The following ALPK1 variants were observed in gnomAD, a reference collection of about 807,000 sequenced individuals.
The protein encoded by ALPK1 is alpha-protein kinase 1.
A neutral mutation model predicts 120.6 loss-of-function variants in ALPK1; 110 were observed. The observed-to-expected ratio is 0.91, with a 90% CI of 0.78 to 1.07. ALPK1 has a LOEUF of 1.07. Among genes scored for constraint, ALPK1 ranks in the 50% least tolerant of loss-of-function variants. ALPK1 has a pLI of 0.00. For synonymous variants in ALPK1, 582 were observed against 560.3 expected, an observed-to-expected ratio of 1.04 and a Z score of -0.55; for missense variants, 1,498 against 1,483.9, an observed-to-expected ratio of 1.01 and a Z score of -0.16.
Position 112,360,071 on chromosome 4 carries a change from A to T in ALPK1, c.-100-17607A>T, listed in dbSNP as rs561198255. ...TGTATCCTTTGACCAACTTCTCCCC[A>T]GGCCCTGACCCCATCCCTGCATCTT... On this transcript the variant is annotated intron_variant, in intron 2 of 15. Transcript: ENST00000650871. Among the ~76,000 whole-genome samples, 4 of 152,112 alleles carry T rather than the reference A, an allele frequency of 2.6e-5. No individual in the cohort carries two copies. The East Asian group carries it at 7.7e-4, about 29-fold the overall frequency.
chr4:112,362,461 G>T (rs1334479839), intron 2 of ALPK1, among the ~76,000 whole-genome samples: 1 of 152,060 alleles, frequency 6.6e-6, no homozygotes, highest in African/African-American at 2.4e-5. Context: ...CTCAGCAACA[G>T]AATTGAACTA....
chr4:112,346,436 G>C (rs1342784615), intron 2 of ALPK1, among the ~76,000 whole-genome samples: 1 of 152,218 alleles, frequency 6.6e-6, no homozygotes, highest in African/African-American at 2.4e-5. Context: ...CTTTTAGAAT[G>C]AGAATGTGTC....
At position 112,439,721 on chromosome 4, in the gene ALPK1, T is replaced by A; in HGVS notation, c.3387T>A (p.Ser1129Arg). 1 of 1,612,442 alleles carries A rather than the reference T, an allele frequency of 6.2e-7. No individual in the cohort carries two copies. Among genetic ancestry groups the A allele is most frequent in the Non-Finnish European group, 8.5e-7 (1 of 1,179,434 alleles). Residue 1129 changes from serine to arginine, a missense_variant, in exon 14 of 16, where the codon AGT becomes AGA. Ser to Arg is a moderately radical substitution (Grantham distance 110). Coordinates refer to ENST00000650871, the MANE Select transcript of ALPK1 (RefSeq NM_025144.4). The stretch of plus-strand genomic sequence containing the variant: ...ACAAGACAATAAAGGGATGTATCAG[T>A]GTGGAGCCTTACATACTGGGAGAAT... ...LEDKTIKGCI[S>R]VEPYILGEFV...
At position 112,411,883 on chromosome 4, in the gene ALPK1, GTTC is replaced by G. The variant is rs755619682; in HGVS notation, c.336_338del (p.Phe112del). Reference sequence around the variant, plus strand: ...ACTGTGCGGCTGCGGCGGCTATTGTGTTCTTGGTGGACCGGTTCCTGTATGGGC... The same window carrying G: ...ACTGTGCGGCTGCGGCGGCTATTGTGTTGGTGGACCGGTTCCTGTATGGGC... On this transcript the variant is annotated inframe_deletion, in exon 5 of 16. Coordinates refer to ENST00000650871, the MANE Select transcript of ALPK1 (RefSeq NM_025144.4). 56 of 1,614,022 alleles carry G rather than the reference GTTC, an allele frequency of 3.5e-5. No individual in the cohort carries two copies. Among genetic ancestry groups the G allele is most frequent in the Non-Finnish European group, 4.4e-5 (52 of 1,179,996 alleles).
intron 5 of ALPK1, chr4:112,414,787 A>T (rs1733662849): frequency 6.5e-6 from 1 of 154,674 alleles, no homozygotes; most frequent in Non-Finnish European, 1.4e-5. Flanking sequence ...AATATGGTGA[A>T]TTAAAGATTT....
chr4:112,358,655 G>T (rs915468151), intron 2 of ALPK1: 1 of 711,192 alleles, frequency 1.4e-6, no homozygotes, highest in Admixed American at 2.1e-5. Flanking sequence ...AGGCCCACAG[G>T]TGCTCCACCC....
At chr4:112,434,520 A>G (rs1937486911) in intron 11 of ALPK1, among the ~76,000 whole-genome samples, 1 of 152,242 alleles carries the variant, frequency 6.6e-6, no homozygotes, top group African/African-American at 2.4e-5. Context: ...GTTTCTCCTC[A>G]AAGAGATGCT....
intron 4 of ALPK1, among the ~76,000 whole-genome samples, chr4:112,411,370 G>C (rs1278153716): frequency 1.3e-5 from 2 of 152,040 alleles, no homozygotes; most frequent in African/African-American, 4.8e-5. Context: ...GACTACAGGC[G>C]CATGCCACCA....
At chr4:112,344,431 T>C (rs1260898668) in intron 2 of ALPK1, among the ~76,000 whole-genome samples, 1 of 152,184 alleles carries the variant, frequency 6.6e-6, no homozygotes, top group East Asian at 1.9e-4. Context: ...AGTTAAAGTA[T>C]GGAGTTTGAT....
chr4:112,363,714 TA>T (rs1291155422), intron 2 of ALPK1, among the ~76,000 whole-genome samples: 1 of 152,172 alleles, frequency 6.6e-6, no homozygotes, highest in Non-Finnish European at 1.5e-5. Flanking sequence ...CACAGATATT[TA>T]CAGAACATTG....
intron 4 of ALPK1, among the ~76,000 whole-genome samples, chr4:112,388,291 A>G (rs1026857592): frequency 2.0e-5 from 3 of 152,208 alleles, no homozygotes; most frequent in African/African-American, 7.2e-5. Context: ...ATTGCAGAAA[A>G]TGCTTTAAAA....
chr4:112,357,822 G>C, intron 2 of ALPK1: 2 of 1,031,258 alleles, frequency 1.9e-6, no homozygotes, highest in South Asian at 1.3e-5. Context: ...TCATGGAAAA[G>C]AGCCTGGAGT....
At chr4:112,377,472 G>A (rs1731716788) in intron 2 of ALPK1, among the ~76,000 whole-genome samples, 1 of 152,098 alleles carries the variant, frequency 6.6e-6, no homozygotes, top group African/African-American at 2.4e-5. Flanking sequence ...TCTGTACCAG[G>A]CCCCTCTCGC....
At chr4:112,413,032 A>T (rs1181633722) in intron 5 of ALPK1, among the ~76,000 whole-genome samples, 1 of 152,248 alleles carries the variant, frequency 6.6e-6, no homozygotes, top group Non-Finnish European at 1.5e-5. Context: ...TAAATTGTGC[A>T]GGTCTTGTTA....
rs748452791 is a variant in ALPK1 at position 112,429,155 on chromosome 4, C to T, written c.802C>T (p.Leu268=). 29 of 1,613,216 alleles carry T rather than the reference C, an allele frequency of 1.8e-5. No individual in the cohort carries two copies. The highest frequency in any genetic ancestry group is 1.3e-5 in the African/African-American group (1 of 74,938). ...KNNPQINLSL[L]KEFDHHLLSA... Reference sequence around the variant, plus strand: ...GCCTCCTGTTTTCTCACAGAGCCTGCTGAAGGAGTTTGACCACCATTTGCT... The same window carrying T: ...GCCTCCTGTTTTCTCACAGAGCCTGTTGAAGGAGTTTGACCACCATTTGCT... The change falls in exon 10 of 16, where the codon CTG becomes TTG. Residue 268 remains leucine (L), a synonymous_variant. Coordinates refer to ENST00000650871, the MANE Select transcript of ALPK1 (RefSeq NM_025144.4).
intron 2 of ALPK1, among the ~76,000 whole-genome samples, chr4:112,375,612 G>T (rs1560659700): frequency 6.6e-6 from 1 of 152,170 alleles, no homozygotes; most frequent in Non-Finnish European, 1.5e-5. Flanking sequence ...CTAGATGAGG[G>T]TTTGGCTTAA....
chr4:112,350,626 A>G (rs981650089), intron 2 of ALPK1, among the ~76,000 whole-genome samples: 4 of 152,202 alleles, frequency 2.6e-5, no homozygotes, highest in Non-Finnish European at 4.4e-5. Flanking sequence ...GACCTCTGGT[A>G]CCATTTAGTG....
intron 2 of ALPK1, among the ~76,000 whole-genome samples, chr4:112,353,220 C>T (rs529463589): frequency 6.6e-6 from 1 of 152,250 alleles, no homozygotes; most frequent in East Asian, 1.9e-4. Flanking sequence ...AAGTGATCTG[C>T]CTGCCTCAGC....
intron 2 of ALPK1, among the ~76,000 whole-genome samples, chr4:112,350,908 G>T (rs1422784947): frequency 1.3e-5 from 2 of 152,194 alleles, no homozygotes; most frequent in African/African-American, 4.8e-5. Context: ...GACATATGGG[G>T]TGAGTCTATG....
Sources: gnomAD v4.1 joint callset for allele counts (sites outside exome capture counted in the v4.1 genomes callset) on GRCh38, gnomAD v4.1.1 for gene constraint, MANE v1.5 for transcripts, NCBI Gene and HGNC (gene_info 2026-07-23, HGNC 2026-07-21) for gene names.